Variants in STEAP1B observed in about 807,000 individuals in gnomAD.
STEAP1B encodes the protein STEAP family member 1B.
A neutral mutation model predicts 27.9 loss-of-function variants in STEAP1B; 13 were observed. That is an observed-to-expected ratio of 0.47 (90% confidence interval 0.30 to 0.74). STEAP1B has a LOEUF of 0.74. Among genes scored for constraint, STEAP1B ranks in the 30% least tolerant of loss-of-function variants. The pLI, the probability that STEAP1B is intolerant of heterozygous loss-of-function variation, is 0.06. For synonymous variants in STEAP1B, 86 were observed against 107.1 expected (o/e 0.80, Z 1.22); for missense variants, 250 against 298.7 (o/e 0.84, Z 1.20).
At position 22,419,588 on chromosome 7, in the gene STEAP1B, A is replaced by C; in HGVS notation, c.*216T>G. 2.4e-6 allele frequency: 1 copy of C among 423,846 alleles called. No homozygotes were observed. The highest frequency in any genetic ancestry group is 4.2e-6 in the Non-Finnish European group (1 of 236,744). The allele number at this position is 423,846 out of a possible 1,614,324, so 26.3% of individuals were successfully genotyped here. ...CAACACAATCTCAGTGGATTAGCAC[A>C]ACACATATGGACTTTTTGTTTGCTC... is the stretch of plus-strand genomic sequence containing the variant. On this transcript the variant is annotated 3_prime_UTR_variant, in exon 5 of 5. Transcript: ENST00000678116.
At chr7:22,485,216 T>G (rs1335705535) in intron 4 of STEAP1B, among the ~76,000 whole-genome samples, 2 of 152,230 alleles carry the variant, frequency 1.3e-5, no homozygotes, top group Non-Finnish European at 2.9e-5. Context: ...CAGAGAAATC[T>G]TTCCTGAAAG....
In STEAP1B at chr7:22,439,890, T is replaced by G. The variant is rs935964778; in HGVS notation, c.763-20054A>C. ...CCAGTATCAATCAAATGAAAAAACC[T>G]CATGCATCAACAATAACAATAGAAA... On this transcript the variant is annotated intron_variant, in intron 4 of 4. Transcript: ENST00000678116. 1.1e-4 allele frequency among the ~76,000 whole-genome samples: 17 copies of G among 152,306 alleles called. No homozygotes were observed. In the South Asian group the frequency reaches 1.2e-3, roughly 11 times the overall value.
chr7:22,421,638 T>C (rs545160187), intron 4 of STEAP1B, among the ~76,000 whole-genome samples: 2 of 152,320 alleles, frequency 1.3e-5, no homozygotes, highest in East Asian at 1.9e-4. Context: ...AGCTTTGGTG[T>C]TGTCAATCCA....
chr7:22,452,061 A>G (rs549220175), intron 4 of STEAP1B, among the ~76,000 whole-genome samples: 5 of 152,340 alleles, frequency 3.3e-5, no homozygotes, highest in Admixed American at 1.3e-4. Context: ...AACAGGGGAA[A>G]TCCAGTATAA....
chr7:22,480,261 G>C (rs73268570), intron 4 of STEAP1B, among the ~76,000 whole-genome samples: 1 of 152,082 alleles, frequency 6.6e-6, no homozygotes, highest in Non-Finnish European at 1.5e-5. Context: ...TATCATTCTC[G>C]GCTAAAGGTA....
intron 4 of STEAP1B, among the ~76,000 whole-genome samples, chr7:22,484,856 CTT>C (rs1786173233): frequency 6.6e-6 from 1 of 152,176 alleles, no homozygotes; most frequent in African/African-American, 2.4e-5. Context: ...TCATGGATGA[CTT>C]TGAGGGGTTC....
In STEAP1B at chr7:22,467,382, C is replaced by T. The variant is rs1785803599; in HGVS notation, c.762+25183G>A. ...AGGGCTGGATCTCTGGGGGTGCTGA[C>T]TGTGAACACTGATCCAGCTGTGCTC... On this transcript the variant is annotated intron_variant, in intron 4 of 4. Transcript: ENST00000678116. 2.0e-5 allele frequency among the ~76,000 whole-genome samples: 3 copies of T among 152,232 alleles called. No homozygotes were observed. In the South Asian group the frequency reaches 6.2e-4, roughly 32 times the overall value.
intron 4 of STEAP1B, among the ~76,000 whole-genome samples, chr7:22,468,639 T>A (rs1051090743): frequency 6.6e-6 from 1 of 152,192 alleles, no homozygotes; most frequent in Non-Finnish European, 1.5e-5. Context: ...TAAATATGTA[T>A]CCTCACAGGG....
At chr7:22,492,767 A>C in intron 3 of STEAP1B, 38 bp from the exon 4 acceptor site, 1 of 1,563,616 alleles carries the variant, frequency 6.4e-7, no homozygotes, top group Non-Finnish European at 8.6e-7. Context: ...AAATGCAAAC[A>C]ACAGTTATTT....
intron 4 of STEAP1B, among the ~76,000 whole-genome samples, chr7:22,458,791 G>C (rs185570164): frequency 6.6e-4 from 100 of 152,230 alleles, no homozygotes; most frequent in Admixed American, 1.8e-3. Context: ...ATTGTGGAGG[G>C]CATTGCATGT....
intron 4 of STEAP1B, among the ~76,000 whole-genome samples, chr7:22,428,402 T>C (rs947821742): frequency 1.3e-5 from 2 of 152,148 alleles, no homozygotes; most frequent in African/African-American, 4.8e-5. Context: ...GTAGATTTTG[T>C]CTTCTCACAA....
chr7:22,427,347 C>A (rs955235824), intron 4 of STEAP1B, among the ~76,000 whole-genome samples: 5 of 152,100 alleles, frequency 3.3e-5, no homozygotes, highest in Non-Finnish European at 5.9e-5. Context: ...GACAACCTGG[C>A]CTAACTGGAA....
intron 4 of STEAP1B, among the ~76,000 whole-genome samples, chr7:22,428,363 T>C (rs111849636): frequency 6.6e-6 from 1 of 152,294 alleles, no homozygotes; most frequent in African/African-American, 2.4e-5. Context: ...ACTGTTCTCA[T>C]TACCTTAAAA....
At chr7:22,459,041 C>T (rs1785635532) in intron 4 of STEAP1B, among the ~76,000 whole-genome samples, 1 of 152,134 alleles carries the variant, frequency 6.6e-6, no homozygotes, top group Admixed American at 6.5e-5. Flanking sequence ...AGAAAACCTC[C>T]AGCAATTGAC....
intron 4 of STEAP1B, among the ~76,000 whole-genome samples, chr7:22,432,990 C>T (rs1055911021): frequency 8.5e-5 from 13 of 152,312 alleles, no homozygotes; most frequent in Non-Finnish European, 5.9e-5. Flanking sequence ...AGCCCTTCAG[C>T]TCTGCCGTTC....
intron 4 of STEAP1B, among the ~76,000 whole-genome samples, chr7:22,422,368 C>T (rs1437299880): frequency 6.6e-6 from 1 of 152,130 alleles, no homozygotes; most frequent in African/African-American, 2.4e-5. Context: ...CAAAGGAGAG[C>T]CAAAATAACA....
Position 22,460,351 on chromosome 7 carries a change from A to AAT in STEAP1B, c.762+32213_762+32214insAT, listed in dbSNP as rs71026889. Among the ~76,000 whole-genome samples the AAT allele has an allele frequency of 4.7e-5, 7 of 149,756 alleles. No homozygotes were observed. In the South Asian group the frequency reaches 1.5e-3, roughly 32 times the overall value. The stretch of plus-strand genomic sequence containing the variant: ...TCAAAACAAACAAAAAAAAAAAAAA[A>AAT]GGAGAGAAGGAAGTCTTTATATGGT... On this transcript the variant is annotated intron_variant, in intron 4 of 4. Transcript: ENST00000678116.
Position 22,419,597 on chromosome 7 carries a change from G to C in STEAP1B, c.*207C>G, listed in dbSNP as rs1222040175. On this transcript the variant is annotated 3_prime_UTR_variant, in exon 5 of 5. Transcript: ENST00000678116. ...CTCAGTGGATTAGCACAACACATAT[G>C]GACTTTTTGTTTGCTCTCTCATGAG... 1 of 462,526 alleles carries C rather than the reference G, an allele frequency of 2.2e-6. No homozygotes were observed. The highest frequency in any genetic ancestry group is 2.0e-5 in the African/African-American group (1 of 50,494). The allele number at this position is 462,526 out of a possible 1,614,324, so 28.7% of individuals were successfully genotyped here. A position where few individuals can be genotyped will look rare whatever the true frequency, so the allele number is the denominator to read the frequency against.
At chr7:22,492,079 TG>T (rs1786332692) in intron 4 of STEAP1B, among the ~76,000 whole-genome samples, 1 of 151,924 alleles carries the variant, frequency 6.6e-6, no homozygotes, top group Non-Finnish European at 1.5e-5. Context: ...CCCAGCACTT[TG>T]GGAGGCCGAG....
Sources: allele counts gnomAD v4.1 joint callset (sites outside exome capture counted in the v4.1 genomes callset), GRCh38; gene constraint gnomAD v4.1.1; transcripts MANE v1.5; gene names NCBI Gene and HGNC (gene_info 2026-07-23, HGNC 2026-07-21).